MIER1: variants seen among roughly 807,000 people sequenced by gnomAD.
The protein encoded by MIER1 is MIER1 transcriptional regulator, also known as mesoderm induction early response protein 1.
Under a neutral mutation model 75.7 loss-of-function variants are expected in MIER1, and 40 were observed. The observed-to-expected ratio is 0.53, with a 90% CI of 0.41 to 0.69. The LOEUF (loss-of-function observed/expected upper bound fraction) is 0.69. Among genes scored for constraint, MIER1 ranks in the 30% least tolerant of loss-of-function variants. The pLI is 0.00. For synonymous variants in MIER1, 213 were observed against 223.4 expected (o/e 0.95, Z 0.42); for missense variants, 574 against 680.2 (o/e 0.84, Z 1.74).
intron 4 of MIER1, among the ~76,000 whole-genome samples, chr1:66,950,104 C>CTTTTG (rs754069580): frequency 1.3e-5 from 2 of 151,970 alleles, no homozygotes; most frequent in Admixed American, 6.6e-5. Context: ...AATAAATAGA[C>CTTTTG]TTTTGTTTTG....
chr1:66,930,235 G>A (rs1295130338), intron 2 of MIER1: 1 of 1,439,306 alleles, frequency 6.9e-7, no homozygotes, highest in Non-Finnish European at 9.1e-7. Flanking sequence ...TGTGGTGGGC[G>A]CGCTCGGGCG....
chr1:66,978,065 G>A (rs1182251299), intron 12 of MIER1, among the ~76,000 whole-genome samples: 1 of 151,890 alleles, frequency 6.6e-6, no homozygotes. Flanking sequence ...ATGTGGTGGT[G>A]CACGCCTATA....
intron 2 of MIER1, among the ~76,000 whole-genome samples, chr1:66,926,801 G>A (rs1651917676): frequency 1.3e-5 from 2 of 152,266 alleles, no homozygotes; most frequent in South Asian, 2.1e-4. Context: ...AGTTTTGGAT[G>A]TGTTGTATTA....
intron 2 of MIER1, among the ~76,000 whole-genome samples, chr1:66,927,508 C>T (rs533330126): frequency 6.6e-6 from 1 of 152,154 alleles, no homozygotes; most frequent in Non-Finnish European, 1.5e-5. Context: ...CTCTCATGTC[C>T]TATTTTCAAC....
chr1:66,981,656 C>G, intron 12 of MIER1, 123 bp from the exon 13 acceptor site: 1 of 695,200 alleles, frequency 1.4e-6, no homozygotes, highest in East Asian at 2.8e-5. Context: ...ATAGATGAAG[C>G]ACTGGAATGA....
chr1:66,945,316 TAA>T lies in MIER1; in HGVS notation c.194-831_194-830del, dbSNP rs1491542595. On this transcript the variant is annotated intron_variant, in intron 3 of 13. Transcript: ENST00000401041. ...ATATATATATATATATATATATATATAAAATACCTAATATAGGTAAATGCTAT... is the reference window on the plus strand; with the variant it reads ...ATATATATATATATATATATATATATAATACCTAATATAGGTAAATGCTAT... 1.8e-3 allele frequency among the ~76,000 whole-genome samples: 190 copies of T among 106,758 alleles called. 5 individuals carry two copies. Among genetic ancestry groups the T allele is most frequent in the Non-Finnish European group, 2.5e-3 (122 of 49,234 alleles). 70.0% of individuals were successfully genotyped at this position (106,758 alleles called of 152,430 possible).
chr1:66,943,834 T>G (rs1399120836), intron 3 of MIER1, among the ~76,000 whole-genome samples: 1 of 152,240 alleles, frequency 6.6e-6, no homozygotes, highest in Non-Finnish European at 1.5e-5. Flanking sequence ...AAGTATTCTT[T>G]GAGGCAGTAT....
intron 3 of MIER1, 171 bp downstream of exon 3, chr1:66,940,223 G>T: frequency 2.2e-6 from 1 of 454,472 alleles, no homozygotes; most frequent in Non-Finnish European, 3.9e-6. Flanking sequence ...GAAAGTACAG[G>T]TGAGGCTACT....
rs1385986712 is a variant in MIER1 at position 66,985,818 on chromosome 1, T to A, written c.*918T>A. On this transcript the variant is annotated 3_prime_UTR_variant, in exon 14 of 14. Coordinates refer to ENST00000401041, the MANE Select transcript of MIER1 (RefSeq NM_001077700.3). ...GCATTCATAAAGGATTATAAAATTTTTTTTTTTTTTTTTTTTTTTAAATTT... is the reference window on the plus strand; with the variant it reads ...GCATTCATAAAGGATTATAAAATTTATTTTTTTTTTTTTTTTTTTAAATTT... The A allele has an allele frequency of 5.9e-6, 3 of 505,552 alleles. No individual in the cohort carries two copies. The highest frequency in any genetic ancestry group is 1.3e-4 in the African/African-American group (2 of 15,634). 31.3% of individuals were successfully genotyped at this position (505,552 alleles called of 1,614,324 possible). A position where few individuals can be genotyped will look rare whatever the true frequency, so the allele number is the denominator to read the frequency against.
Position 66,985,389 on chromosome 1 carries a change from ATCTT to A in MIER1, c.*491_*494del. ...ATTTTTCTCACCAAACAGTTTGAGT[ATCTT>A]TATTAAGGAAACCCTTACGAATCCT... is the stretch of plus-strand genomic sequence containing the variant. On this transcript the variant is annotated 3_prime_UTR_variant, in exon 14 of 14. Transcript: ENST00000401041. 1 of 984,154 alleles carries A rather than the reference ATCTT, an allele frequency of 1.0e-6. No individual in the cohort carries two copies. Among genetic ancestry groups the A allele is most frequent in the Non-Finnish European group, 1.2e-6 (1 of 828,646 alleles). 61.0% of individuals were successfully genotyped at this position (984,154 alleles called of 1,614,324 possible).
intron 2 of MIER1, among the ~76,000 whole-genome samples, chr1:66,935,171 C>G (rs539175525): frequency 1.3e-5 from 2 of 152,232 alleles, no homozygotes; most frequent in South Asian, 2.1e-4. Flanking sequence ...TTTCTTTACT[C>G]TCTCTCAAAT....
intron 4 of MIER1, among the ~76,000 whole-genome samples, chr1:66,952,493 TACAG>T (rs1659200822): frequency 1.3e-5 from 2 of 152,248 alleles, no homozygotes; most frequent in Middle Eastern, 3.4e-3. Flanking sequence ...GTAACTAGAT[TACAG>T]ACAGTCTAAC....
chr1:66,940,120 C>T (rs1336422287), intron 3 of MIER1, 68 bp downstream of exon 3: 27 of 1,170,350 alleles, frequency 2.3e-5, no homozygotes, highest in Admixed American at 5.3e-5. Context: ...TGCATAAAGA[C>T]TAGAGGAGTT....
intron 3 of MIER1, 31 bp downstream of exon 3, chr1:66,940,083 G>A (rs759372569): frequency 2.4e-5 from 37 of 1,542,398 alleles, no homozygotes; most frequent in African/African-American, 1.1e-4. Flanking sequence ...TTATAATCTC[G>A]ATTTGAGTAA....
chr1:66,983,685 T>G (rs1353258311), intron 13 of MIER1, among the ~76,000 whole-genome samples: 1 of 152,226 alleles, frequency 6.6e-6, no homozygotes, highest in East Asian at 1.9e-4. Context: ...TTTTTAACAT[T>G]ATGACAGATT....
intron 1 of MIER1, chr1:66,925,565 T>G: frequency 2.0e-6 from 2 of 985,252 alleles, no homozygotes; most frequent in Non-Finnish European, 2.4e-6. Context: ...ACTTGCCCTT[T>G]TCGGATGGAG....
At position 66,985,978 on chromosome 1, in the gene MIER1, A is replaced by G. The variant is rs1666732875; in HGVS notation, c.*1078A>G. 1.0e-6 allele frequency: 1 copy of G among 986,350 alleles called. No individual in the cohort carries two copies. The highest frequency in any genetic ancestry group is 4.7e-5 in the South Asian group (1 of 21,330). 61.1% of individuals were successfully genotyped at this position (986,350 alleles called of 1,614,324 possible). A position where few individuals can be genotyped will look rare whatever the true frequency, so the allele number is the denominator to read the frequency against. On this transcript the variant is annotated 3_prime_UTR_variant, in exon 14 of 14. Coordinates refer to ENST00000401041, the MANE Select transcript of MIER1 (RefSeq NM_001077700.3). ...AGTTTAATGTCAGCTTAAGTGCTTA[A>G]ATATATCATGCTGACCAGAATCCTG...
chr1:66,961,865 GA>G (rs1284232988), intron 7 of MIER1, among the ~76,000 whole-genome samples: 1 of 152,188 alleles, frequency 6.6e-6, no homozygotes, highest in Non-Finnish European at 1.5e-5. Flanking sequence ...ATTCTTTTTA[GA>G]AAACTGATCA....
In MIER1 at chr1:66,986,051, CAG is replaced by C. The variant is rs1553259979; in HGVS notation, c.*1154_*1155del. 9.9e-7 allele frequency: 1 copy of C among 1,005,296 alleles called. No homozygotes were observed. The highest frequency in any genetic ancestry group is 1.2e-6 in the Non-Finnish European group (1 of 843,636). 62.3% of individuals were successfully genotyped at this position (1,005,296 alleles called of 1,614,324 possible). The stretch of plus-strand genomic sequence containing the variant: ...ATTTCCCATTTCTGCATTAAATAAA[CAG>C]AGGAGGGGGGTCAAGTGATACTTAG... On this transcript the variant is annotated 3_prime_UTR_variant, in exon 14 of 14. Coordinates refer to ENST00000401041, the MANE Select transcript of MIER1 (RefSeq NM_001077700.3).
Sources: gnomAD v4.1 joint callset for allele counts (sites outside exome capture counted in the v4.1 genomes callset) on GRCh38, gnomAD v4.1.1 for gene constraint, MANE v1.5 for transcripts, NCBI Gene and HGNC (gene_info 2026-07-23, HGNC 2026-07-21) for gene names.